The following NAA11 variants were observed in gnomAD, a reference collection of about 807,000 sequenced individuals.
The protein encoded by NAA11 is N-alpha-acetyltransferase 11, NatA catalytic subunit.
A neutral mutation model predicts 16.1 loss-of-function variants in NAA11; 15 were observed. The observed-to-expected ratio is 0.93, with a 90% CI of 0.62 to 1.44. The LOEUF is 1.44. NAA11 is among the 40% of genes most tolerant of loss of function. The pLI is 0.00. For synonymous variants in NAA11, 122 were observed against 112.4 expected (o/e 1.09, Z -0.54); for missense variants, 298 against 291.3 (o/e 1.02, Z -0.17).
chr4:79,176,892 A>G, the NAA11 span, among the ~76,000 whole-genome samples: 1 of 152,176 alleles, frequency 6.6e-6, no homozygotes, highest in Non-Finnish European at 1.5e-5. Flanking sequence ...CTGTTAATGC[A>G]TATAAAATCA....
chr4:79,215,327 T>C, the NAA11 span, among the ~76,000 whole-genome samples: 5 of 152,162 alleles, frequency 3.3e-5, no homozygotes, highest in Admixed American at 2.0e-4. Context: ...ACCAGTTCCC[T>C]CCCTTTCCTT....
chr4:79,258,339 C>T (rs529591231), intron 2 of NAA11, among the ~76,000 whole-genome samples: 15 of 152,368 alleles, frequency 9.8e-5, no homozygotes, highest in East Asian at 1.9e-4. Context: ...TTGCACTTTG[C>T]GGGGGCTGGG....
the NAA11 span, among the ~76,000 whole-genome samples, chr4:79,191,180 A>G: frequency 6.6e-6 from 1 of 152,114 alleles, no homozygotes; most frequent in Admixed American, 6.6e-5. Flanking sequence ...TCCTCTGGGT[A>G]TATACCCAGC....
chr4:79,290,013 T>C (rs1298605791), intron 2 of NAA11, among the ~76,000 whole-genome samples: 2 of 152,180 alleles, frequency 1.3e-5, no homozygotes, highest in Non-Finnish European at 2.9e-5. Flanking sequence ...GCTCTCCTTT[T>C]CTCACAAATT....
intron 1 of NAA11, among the ~76,000 whole-genome samples, chr4:79,309,714 C>CTTTTTTT (rs71662804): frequency 1.7e-3 from 138 of 81,430 alleles, no homozygotes; most frequent in East Asian, 3.1e-3. Flanking sequence ...TTTTTTTTTT[C>CTTTTTTT]TTTTTTTTTT....
At chr4:79,176,866 A>G in the NAA11 span, among the ~76,000 whole-genome samples, 2 of 152,112 alleles carry the variant, frequency 1.3e-5, no homozygotes, top group Non-Finnish European at 2.9e-5. Flanking sequence ...TTACTTTTTT[A>G]AATTGTAGCT....
the NAA11 span, among the ~76,000 whole-genome samples, chr4:79,157,608 T>A: frequency 6.6e-6 from 1 of 151,856 alleles, no homozygotes; most frequent in Non-Finnish European, 1.5e-5. Context: ...TATACACACA[T>A]ATATATACAC....
At chr4:79,216,814 GTA>G in the NAA11 span, among the ~76,000 whole-genome samples, 1 of 152,084 alleles carries the variant, frequency 6.6e-6, no homozygotes, top group Non-Finnish European at 1.5e-5. Flanking sequence ...GTAAAATTGA[GTA>G]TATGCCCAAG....
At chr4:79,315,036 A>G (rs1723886854), downstream of NAA11, among the ~76,000 whole-genome samples, 1 of 152,138 alleles carries the variant, frequency 6.6e-6, no homozygotes, top group Admixed American at 6.5e-5. Context: ...CTATTATTAA[A>G]TGACCTAATG....
At chr4:79,265,598 C>T (rs1578169651) in intron 2 of NAA11, among the ~76,000 whole-genome samples, 1 of 152,270 alleles carries the variant, frequency 6.6e-6, no homozygotes, top group East Asian at 1.9e-4. Flanking sequence ...TTTGCATTTA[C>T]TGTTTCTTCT....
At chr4:79,204,928 T>TACACACACACACAC in the NAA11 span, among the ~76,000 whole-genome samples, 712 of 147,880 alleles carry the variant, frequency 4.8e-3, 3 homozygotes, top group Middle Eastern at 0.021. Context: ...ATGGTGTGTA[T>TACACACACACACAC]ACACACACAC....
chr4:79,302,509 ATCCT>A (rs1478577100), intron 1 of NAA11, among the ~76,000 whole-genome samples: 2 of 152,270 alleles, frequency 1.3e-5, no homozygotes, highest in South Asian at 2.1e-4. Context: ...AGACACCCAA[ATCCT>A]TCATAACAAA....
chr4:79,186,676 TAAGA>T, the NAA11 span, among the ~76,000 whole-genome samples: 1 of 151,936 alleles, frequency 6.6e-6, no homozygotes, highest in East Asian at 1.9e-4. Flanking sequence ...ACACTAATGA[TAAGA>T]AAGATAAAAA....
chr4:79,313,761 T>A (rs945838944), downstream of NAA11, among the ~76,000 whole-genome samples: 1 of 152,142 alleles, frequency 6.6e-6, no homozygotes, highest in African/African-American at 2.4e-5. Flanking sequence ...CCTTGATAAG[T>A]CACTTAGTCT....
At chr4:79,155,654 G>A in the NAA11 span, among the ~76,000 whole-genome samples, 2 of 152,204 alleles carry the variant, frequency 1.3e-5, no homozygotes, top group Non-Finnish European at 2.9e-5. Flanking sequence ...GCAAAAACAC[G>A]TGTTGCCAAA....
At chr4:79,216,821 C>T in the NAA11 span, among the ~76,000 whole-genome samples, 1 of 152,040 alleles carries the variant, frequency 6.6e-6, no homozygotes, top group Non-Finnish European at 1.5e-5. Flanking sequence ...TGAGTATATG[C>T]CCAAGCCAGT....
intron 1 of NAA11, among the ~76,000 whole-genome samples, chr4:79,295,638 A>G (rs1723200589): frequency 6.6e-6 from 1 of 152,222 alleles, no homozygotes; most frequent in African/African-American, 2.4e-5. Context: ...AAATTGTATT[A>G]CTTTAAAAAA....
At chr4:79,214,812 T>C in the NAA11 span, among the ~76,000 whole-genome samples, 1 of 151,970 alleles carries the variant, frequency 6.6e-6, no homozygotes, top group East Asian at 1.9e-4. Flanking sequence ...AAAATAAAAA[T>C]AAAAATAAAA....
intron 2 of NAA11, among the ~76,000 whole-genome samples, chr4:79,231,802 C>G (rs1451135413): frequency 6.6e-6 from 1 of 151,346 alleles, no homozygotes; most frequent in African/African-American, 2.4e-5. Flanking sequence ...AAATACAAGG[C>G]AAAAAGGAAC....
Sources: allele counts gnomAD v4.1 joint callset (sites outside exome capture counted in the v4.1 genomes callset), GRCh38; gene constraint gnomAD v4.1.1; transcripts MANE v1.5; gene names NCBI Gene and HGNC (gene_info 2026-07-23, HGNC 2026-07-21).